The following PDZD2 variants were observed in gnomAD, a reference collection of about 807,000 sequenced individuals.
PDZD2 encodes PDZ domain containing 2.
PDZD2 carries 90 observed loss-of-function variants against 220.7 expected under a neutral mutation model. The observed-to-expected ratio is 0.41, with a 90% CI of 0.34 to 0.49. PDZD2 has a LOEUF of 0.49. Ranked by LOEUF, PDZD2 falls within the 20% of genes least tolerant of loss-of-function variation. The pLI is 0.28. For synonymous variants in PDZD2, 1,375 were observed against 1,450.5 expected, an observed-to-expected ratio of 0.95 and a Z score of 1.18; for missense variants, 3,174 against 3,608.5, an observed-to-expected ratio of 0.88 and a Z score of 3.08.
chr5:31,742,351 A>G (rs1266198311), intron 1 of PDZD2: 1 of 152,022 alleles, frequency 6.6e-6, no homozygotes, highest in African/African-American at 2.4e-5. Flanking sequence ...ATTTTTTATT[A>G]AAGACTGAAA....
intron 6 of PDZD2, among the ~76,000 whole-genome samples, chr5:32,035,538 G>A (rs953364717): frequency 2.6e-5 from 4 of 151,970 alleles, no homozygotes; most frequent in Non-Finnish European, 5.9e-5. Flanking sequence ...TTGCGATGTT[G>A]CCCAGGCTGC....
At position 32,074,154 on chromosome 5, in the gene PDZD2, C is replaced by A. The variant is rs376480655; in HGVS notation, c.3048C>A (p.Asn1016Lys). 6.2e-7 allele frequency: 1 copy of A among 1,614,200 alleles called. No individual in the cohort carries two copies. Among genetic ancestry groups the A allele is most frequent in the African/African-American group, 1.3e-5 (1 of 75,048 alleles). ...CTTCCAAGGGCATGGACGTCCACAA[C>A]CAAGAGGAACGACCCCGGAAAACAC... ...ISSSKGMDVH[N>K]QEERPRKTLV... The change falls in exon 18 of 25, where the codon AAC becomes AAA. Residue 1016 changes from asparagine (N) to lysine (K), a missense_variant. Physicochemically the swap from Asn to Lys is moderately conservative, Grantham distance 94. Around this residue, in one of 4 missense-constraint regions of PDZD2, gnomAD observed 1,861 missense variants for 2,001.0 expected, o/e 0.93. Coordinates refer to ENST00000438447, the MANE Select transcript of PDZD2 (RefSeq NM_178140.4).
At chr5:31,688,047 T>A (rs976190245) in intron 1 of PDZD2, among the ~76,000 whole-genome samples, 19 of 152,170 alleles carry the variant, frequency 1.2e-4, no homozygotes, top group African/African-American at 4.6e-4. Flanking sequence ...TTTTTTTGAA[T>A]CTTTAGAAAG....
At chr5:32,025,876 A>C (rs1324428906) in intron 6 of PDZD2, among the ~76,000 whole-genome samples, 1 of 152,092 alleles carries the variant, frequency 6.6e-6, no homozygotes, top group Non-Finnish European at 1.5e-5. Flanking sequence ...CTGGGACTGC[A>C]GGCGTGAGCC....
At chr5:32,067,686 C>T (rs573459198) in intron 14 of PDZD2, among the ~76,000 whole-genome samples, 2 of 152,142 alleles carry the variant, frequency 1.3e-5, no homozygotes, top group African/African-American at 2.4e-5. Flanking sequence ...AATACTCCTA[C>T]CTTTAAAAAA....
At chr5:31,892,658 C>A (rs1369249990) in intron 2 of PDZD2, among the ~76,000 whole-genome samples, 1 of 151,306 alleles carries the variant, frequency 6.6e-6, no homozygotes, top group East Asian at 1.9e-4. Context: ...GCCTCGACAT[C>A]CCGGACTCAA....
intron 18 of PDZD2, 60 bp downstream of exon 18, chr5:32,074,703 T>C: frequency 8.9e-7 from 1 of 1,126,100 alleles, no homozygotes; most frequent in Non-Finnish European, 1.3e-6. Flanking sequence ...TGAGTGAAGA[T>C]GGAGTCTGTT....
At chr5:31,884,614 AG>A (rs1232954050) in intron 2 of PDZD2, among the ~76,000 whole-genome samples, 1 of 151,868 alleles carries the variant, frequency 6.6e-6, no homozygotes, top group Non-Finnish European at 1.5e-5. Flanking sequence ...TTTGAAGCAG[AG>A]TCTTGCTCTG....
chr5:31,842,783 CTAAT>C (rs1227262525), intron 2 of PDZD2, among the ~76,000 whole-genome samples: 2 of 152,168 alleles, frequency 1.3e-5, no homozygotes, highest in Admixed American at 6.5e-5. Flanking sequence ...ACTTTTATGA[CTAAT>C]TACTAATACT....
At chr5:32,078,810 A>C (rs939038041) in intron 19 of PDZD2, among the ~76,000 whole-genome samples, 1 of 71,294 alleles carries the variant, frequency 1.4e-5, no homozygotes, top group Non-Finnish European at 2.7e-5. Flanking sequence ...ATCTCTGGGA[A>C]AAAAAAAAAA....
chr5:31,776,672 G>T (rs924726550), intron 1 of PDZD2, among the ~76,000 whole-genome samples: 2 of 136,808 alleles, frequency 1.5e-5, no homozygotes, highest in Non-Finnish European at 3.1e-5. Context: ...ATTTTGAGAC[G>T]GAGTCTTGCT....
chr5:32,005,778 C>A (rs766978369), intron 5 of PDZD2, among the ~76,000 whole-genome samples: 2 of 152,178 alleles, frequency 1.3e-5, no homozygotes, highest in Non-Finnish European at 2.9e-5. Flanking sequence ...TGTTACCTCT[C>A]CTAATTCTCC....
At chr5:31,705,503 G>T (rs1747784863) in intron 1 of PDZD2, among the ~76,000 whole-genome samples, 1 of 152,076 alleles carries the variant, frequency 6.6e-6, no homozygotes, top group African/African-American at 2.4e-5. Context: ...CCTACAATGT[G>T]CTTGGTATTT....
intron 2 of PDZD2, among the ~76,000 whole-genome samples, chr5:31,896,318 A>G (rs928299555): frequency 7.4e-6 from 1 of 135,994 alleles, no homozygotes; most frequent in Admixed American, 7.6e-5. Flanking sequence ...CCTATTTGAT[A>G]CTCTCGTGTG....
At chr5:31,713,621 GT>G (rs1411190814) in intron 1 of PDZD2, among the ~76,000 whole-genome samples, 1 of 152,148 alleles carries the variant, frequency 6.6e-6, no homozygotes, top group Non-Finnish European at 1.5e-5. Context: ...TCCTCTATTA[GT>G]TCCTGTGGGA....
intron 2 of PDZD2, among the ~76,000 whole-genome samples, chr5:31,849,936 A>AG (rs1757864631): frequency 3.3e-5 from 1 of 30,562 alleles, no homozygotes; most frequent in African/African-American, 2.5e-4. Context: ...ATATATACAC[A>AG]TATATATATA....
chr5:31,968,364 A>C (rs13170643), intron 2 of PDZD2, among the ~76,000 whole-genome samples: 46,105 of 151,944 alleles, frequency 0.3, 7,480 homozygotes, highest in East Asian at 0.62. Context: ...TCTCAAAAAC[A>C]AAAAACAAGC....
chr5:31,703,277 C>G (rs945114611), intron 1 of PDZD2, among the ~76,000 whole-genome samples: 3 of 152,182 alleles, frequency 2.0e-5, no homozygotes, highest in Non-Finnish European at 2.9e-5. Flanking sequence ...ACATATACAC[C>G]ATAGAATACT....
intron 1 of PDZD2, among the ~76,000 whole-genome samples, chr5:31,775,052 A>T (rs918511927): frequency 1.3e-5 from 2 of 152,206 alleles, no homozygotes; most frequent in African/African-American, 4.8e-5. Context: ...CTCTTGGGAA[A>T]CATCGAGAGC....
Sources: allele counts gnomAD v4.1 joint callset (sites outside exome capture counted in the v4.1 genomes callset), GRCh38; gene constraint gnomAD v4.1.1; regional missense constraint gnomAD v4.1.1; transcripts MANE v1.5; gene names NCBI Gene and HGNC (gene_info 2026-07-23, HGNC 2026-07-21).